Variants in RNF175 observed in about 807,000 individuals in gnomAD.
RNF175 encodes ring finger protein 175.
RNF175 carries 38 observed loss-of-function variants against 50.0 expected under a neutral mutation model. That is an observed-to-expected ratio of 0.76 (90% CI 0.59 to 1.00). The LOEUF (loss-of-function observed/expected upper bound fraction) is 1.00. RNF175 is among the 50% of genes least tolerant of loss of function. The pLI is 0.00. For synonymous variants in RNF175, 155 were observed against 146.1 expected, an observed-to-expected ratio of 1.06 and a Z score of -0.44; for missense variants, 388 against 409.6, an observed-to-expected ratio of 0.95 and a Z score of 0.46.
At chr4:153,715,310 T>G in intron 7 of RNF175, 1 of 604,718 alleles carries the variant, frequency 1.7e-6, no homozygotes, top group Non-Finnish European at 3.0e-6. Context: ...ACAGTCCTCT[T>G]TAGAAAGGAA....
intron 3 of RNF175, chr4:153,729,819 C>T: frequency 1.0e-6 from 1 of 984,994 alleles, no homozygotes; most frequent in Non-Finnish European, 1.2e-6. Flanking sequence ...AGGTGAGTAT[C>T]TGAGGAGTTC....
intron 2 of RNF175, among the ~76,000 whole-genome samples, chr4:153,750,670 A>AAACAAGC (rs1259357427): frequency 4.3e-5 from 6 of 139,308 alleles, no homozygotes; most frequent in Non-Finnish European, 9.0e-5. Context: ...ACAAACAAGC[A>AAACAAGC]AAAAAACAAA....
chr4:153,753,967 G>A (rs1180220013), intron 1 of RNF175, among the ~76,000 whole-genome samples: 1 of 150,920 alleles, frequency 6.6e-6, no homozygotes. Flanking sequence ...TCAGGAGATA[G>A]AGACCATCCT....
At chr4:153,724,649 C>T (rs1031090609) in intron 4 of RNF175, among the ~76,000 whole-genome samples, 22 of 152,244 alleles carry the variant, frequency 1.4e-4, no homozygotes, top group African/African-American at 5.3e-4. Flanking sequence ...TACTTAAGAT[C>T]TATGATATTA....
chr4:153,750,668 G>A (rs28565516), intron 2 of RNF175, among the ~76,000 whole-genome samples: 6 of 68,836 alleles, frequency 8.7e-5, no homozygotes, highest in Non-Finnish European at 2.1e-4. Flanking sequence ...AAACAAACAA[G>A]CAAAAAAACA....
chr4:153,736,645 C>CT (rs1268816926), intron 3 of RNF175, among the ~76,000 whole-genome samples: 2 of 152,064 alleles, frequency 1.3e-5, no homozygotes, highest in East Asian at 3.8e-4. Flanking sequence ...GGGCTTGGTG[C>CT]TTTCTTTTTT....
At chr4:153,733,419 A>C (rs1255608149) in intron 3 of RNF175, among the ~76,000 whole-genome samples, 2 of 152,200 alleles carry the variant, frequency 1.3e-5, no homozygotes, top group Non-Finnish European at 2.9e-5. Flanking sequence ...TTCCAACAGT[A>C]AGTAACCTGG....
At chr4:153,730,748 A>C (rs1485867476) in intron 3 of RNF175, among the ~76,000 whole-genome samples, 1 of 152,160 alleles carries the variant, frequency 6.6e-6, no homozygotes, top group Non-Finnish European at 1.5e-5. Context: ...ATGCTCTTAT[A>C]TTTTATACTT....
rs549476139 is a variant in RNF175, at chr4:153,740,912, A to G, written c.246+7733T>C. Reference sequence around the variant, plus strand: ...TGTGTTTAATGTTTGCTGTAGTTGTAGGTGTCAAAGCCTTCAATTTCCACT... The same window carrying G: ...TGTGTTTAATGTTTGCTGTAGTTGTGGGTGTCAAAGCCTTCAATTTCCACT... On this transcript the variant is annotated intron_variant, in intron 3 of 8. Transcript: ENST00000347063. Among the ~76,000 whole-genome samples, 9 of 152,310 alleles carry G rather than the reference A, an allele frequency of 5.9e-5. No individual in the cohort carries two copies. In the East Asian group the frequency reaches 1.7e-3, roughly 29 times the overall value.
intron 1 of RNF175, among the ~76,000 whole-genome samples, chr4:153,756,526 C>T (rs1740575578): frequency 6.6e-6 from 1 of 152,182 alleles, no homozygotes; most frequent in African/African-American, 2.4e-5. Context: ...CAACCCACTA[C>T]TCTCCTGTTG....
At chr4:153,717,552 C>CAA (rs1560769883) in intron 6 of RNF175, among the ~76,000 whole-genome samples, 1 of 151,750 alleles carries the variant, frequency 6.6e-6, no homozygotes, top group Admixed American at 6.6e-5. Flanking sequence ...CACACACACA[C>CAA]ACATACATAT....
intron 3 of RNF175, among the ~76,000 whole-genome samples, chr4:153,740,883 G>GGT (rs1427036977): frequency 6.6e-6 from 1 of 152,152 alleles, no homozygotes; most frequent in African/African-American, 2.4e-5. Context: ...GCTAGGAGTT[G>GGT]GGCTGTGTTT....
chr4:153,731,252 C>T (rs1739016738), intron 3 of RNF175, among the ~76,000 whole-genome samples: 1 of 152,072 alleles, frequency 6.6e-6, no homozygotes, highest in Non-Finnish European at 1.5e-5. Flanking sequence ...ATAGTAACTG[C>T]CATATATGAA....
intron 3 of RNF175, among the ~76,000 whole-genome samples, chr4:153,739,711 T>C (rs1236119488): frequency 6.6e-6 from 1 of 152,186 alleles, no homozygotes; most frequent in Non-Finnish European, 1.5e-5. Flanking sequence ...TTAAATATTT[T>C]ACTTCACTTT....
chr4:153,720,091 CTTAT>C, intron 6 of RNF175, 89 bp downstream of exon 6: 1 of 1,359,672 alleles, frequency 7.4e-7, no homozygotes, highest in Middle Eastern at 1.9e-4. Flanking sequence ...TGGAGAAAGA[CTTAT>C]TTGTTTCTGA....
chr4:153,743,138 C>T (rs1253178484), intron 3 of RNF175, among the ~76,000 whole-genome samples: 1 of 152,082 alleles, frequency 6.6e-6, no homozygotes, highest in Middle Eastern at 3.2e-3. Flanking sequence ...ATATTGTTCA[C>T]CCAAGTATAA....
chr4:153,720,291 C>A lies in RNF175; in HGVS notation c.523G>T (p.Asp175Tyr). ...GACACAATGCCAAAATCCATGGAAT[C>A]TCTAGCTTTGATTCTATTGAAAACA... ...FNLFFKIKAR[D>Y]SMDFGIVSLF... Residue 175 changes from aspartate to tyrosine, a missense_variant, in exon 6 of 9, where the codon GAT becomes TAT. Transcript: ENST00000347063. The A allele has an allele frequency of 1.9e-6, 3 of 1,612,994 alleles. No homozygotes were observed. The highest frequency in any genetic ancestry group is 2.5e-6 in the Non-Finnish European group (3 of 1,179,036).
chr4:153,753,998 G>A (rs1436646148), intron 1 of RNF175, among the ~76,000 whole-genome samples: 1 of 151,158 alleles, frequency 6.6e-6, no homozygotes, highest in South Asian at 2.1e-4. Context: ...GTGAAATCCC[G>A]TCTCTACTAA....
chr4:153,720,951 C>A (rs1282222954), intron 5 of RNF175, among the ~76,000 whole-genome samples: 1 of 152,126 alleles, frequency 6.6e-6, no homozygotes, highest in Non-Finnish European at 1.5e-5. Context: ...TTATCACCAC[C>A]ACTTTACATG....
Sources: allele counts gnomAD v4.1 joint callset (sites outside exome capture counted in the v4.1 genomes callset), GRCh38; gene constraint gnomAD v4.1.1; transcripts MANE v1.5; gene names NCBI Gene and HGNC (gene_info 2026-07-23, HGNC 2026-07-21).